ARHGEF28: variants seen among roughly 807,000 people sequenced by gnomAD.
The protein encoded by ARHGEF28 is Rho guanine nucleotide exchange factor 28.
A neutral mutation model predicts 206.6 loss-of-function variants in ARHGEF28; 152 were observed. The observed-to-expected ratio is 0.74, with a 90% CI of 0.64 to 0.84. ARHGEF28 has a LOEUF of 0.84. Ranked by LOEUF, ARHGEF28 falls within the 40% of genes least tolerant of loss-of-function variation. The pLI is 0.00. For missense variants in ARHGEF28, 2,028 were observed against 2,073.2 expected (o/e 0.98, Z 0.42); for synonymous variants, 763 against 776.4 (o/e 0.98, Z 0.29).
At chr5:73,694,567 C>T (rs913015482) in intron 2 of ARHGEF28, among the ~76,000 whole-genome samples, 4 of 152,144 alleles carry the variant, frequency 2.6e-5, no homozygotes, top group East Asian at 3.9e-4. Flanking sequence ...AAAGAAATAA[C>T]GTGATCCAGG....
At chr5:73,878,585 G>A (rs1760691384) in intron 22 of ARHGEF28, among the ~76,000 whole-genome samples, 1 of 150,330 alleles carries the variant, frequency 6.7e-6, no homozygotes, top group Non-Finnish European at 1.5e-5. Flanking sequence ...TCCATGTTTA[G>A]TGCTTCCTTC....
chr5:73,884,233 C>G (rs1333551810), intron 24 of ARHGEF28, among the ~76,000 whole-genome samples: 1 of 152,128 alleles, frequency 6.6e-6, no homozygotes, highest in East Asian at 1.9e-4. Flanking sequence ...TGCTATTGAT[C>G]CTATCACAAA....
intron 2 of ARHGEF28, among the ~76,000 whole-genome samples, chr5:73,697,128 A>G (rs910970408): frequency 2.0e-5 from 3 of 152,230 alleles, no homozygotes; most frequent in African/African-American, 7.2e-5. Context: ...GAGGTAGACA[A>G]TTCCTGGCTG....
chr5:73,809,868 T>A (rs1386262905), intron 9 of ARHGEF28, among the ~76,000 whole-genome samples: 3 of 152,220 alleles, frequency 2.0e-5, no homozygotes, highest in Non-Finnish European at 4.4e-5. Flanking sequence ...GTATGATATA[T>A]GGTGAAAGGG....
At chr5:73,674,383 G>C (rs2112224243) in intron 1 of ARHGEF28, among the ~76,000 whole-genome samples, 1 of 152,292 alleles carries the variant, frequency 6.6e-6, no homozygotes, top group Non-Finnish European at 1.5e-5. Flanking sequence ...CATCTGCTAA[G>C]CCACTTCTAG....
At chr5:73,780,811 C>T (rs577663747) in intron 7 of ARHGEF28, 66 bp downstream of exon 7, 14 of 1,512,024 alleles carry the variant, frequency 9.3e-6, no homozygotes, top group Admixed American at 5.9e-5. Context: ...CTAACCAGTC[C>T]GTTGAAGTGT....
At chr5:73,830,351 A>T (rs894532783) in intron 9 of ARHGEF28, among the ~76,000 whole-genome samples, 2 of 152,002 alleles carry the variant, frequency 1.3e-5, no homozygotes, top group African/African-American at 4.8e-5. Context: ...CAGAAGGTCG[A>T]GACCATCCTG....
chr5:73,813,786 C>G (rs1395372086), intron 9 of ARHGEF28: 1 of 1,174,174 alleles, frequency 8.5e-7, no homozygotes, highest in Non-Finnish European at 1.2e-6. Flanking sequence ...TTTATACGTG[C>G]CTTTATAAAA....
At chr5:73,927,419 A>C (rs1050632020) in intron 35 of ARHGEF28, among the ~76,000 whole-genome samples, 11 of 152,194 alleles carry the variant, frequency 7.2e-5, no homozygotes, top group Admixed American at 2.0e-4. Context: ...AGATGTTGTC[A>C]GGAAGCACAG....
At chr5:73,906,864 C>T (rs1236635056) in intron 33 of ARHGEF28, among the ~76,000 whole-genome samples, 1 of 151,764 alleles carries the variant, frequency 6.6e-6, no homozygotes, top group Non-Finnish European at 1.5e-5. Flanking sequence ...TATATTGTAA[C>T]TGGTAAACTC....
At chr5:73,897,785 C>T (rs915344923) in intron 29 of ARHGEF28, among the ~76,000 whole-genome samples, 177 bp from the exon 30 acceptor site, 5 of 152,236 alleles carry the variant, frequency 3.3e-5, no homozygotes, top group African/African-American at 4.8e-5. Flanking sequence ...GTGGTGTGCG[C>T]GCGTGCGTAG....
At position 73,867,928 on chromosome 5, in the gene ARHGEF28, C is replaced by T. The variant is rs761966475; in HGVS notation, c.2205C>T (p.Ser735=). ...CTGGTCTCTCCTTGCACCCTTCTTC[C>T]TCCGTGCCTGTTGGATTGCCGACTG... ...PQPGLSLHPS[S]SVPVGLPTGR... is the part of the protein sequence containing the mutation. The change falls in exon 19 of 36, where the codon TCC becomes TCT. Residue 735 remains serine, a synonymous_variant. Coordinates refer to ENST00000513042, the MANE Select transcript of ARHGEF28 (RefSeq NM_001177693.2). 11 of 1,614,042 alleles carry T rather than the reference C, an allele frequency of 6.8e-6. No homozygotes were observed. Among genetic ancestry groups the T allele is most frequent in the Non-Finnish European group, 1.7e-6 (2 of 1,179,884 alleles).
intron 2 of ARHGEF28, among the ~76,000 whole-genome samples, chr5:73,727,424 C>T (rs1348962102): frequency 6.6e-6 from 1 of 152,108 alleles, no homozygotes; most frequent in Non-Finnish European, 1.5e-5. Flanking sequence ...ATCATGGAAT[C>T]TTATGTGTAG....
intron 2 of ARHGEF28, among the ~76,000 whole-genome samples, chr5:73,727,475 C>T (rs547775797): frequency 6.6e-6 from 1 of 152,236 alleles, no homozygotes; most frequent in South Asian, 2.1e-4. Context: ...CATCTACTCT[C>T]CTTAAGCTCT....
chr5:73,773,253 T>G (rs546075571), intron 4 of ARHGEF28, among the ~76,000 whole-genome samples: 31 of 152,142 alleles, frequency 2.0e-4, no homozygotes, highest in Non-Finnish European at 3.4e-4. Context: ...GCCTTACAGG[T>G]CGAGCCTCCT....
intron 9 of ARHGEF28, among the ~76,000 whole-genome samples, chr5:73,808,157 A>G (rs1322907633): frequency 2.6e-5 from 4 of 152,198 alleles, no homozygotes; most frequent in Admixed American, 2.6e-4. Context: ...ATGTGATTCC[A>G]ATTTTTGACA....
intron 1 of ARHGEF28, among the ~76,000 whole-genome samples, chr5:73,662,619 G>C (rs374348980): frequency 6.6e-6 from 1 of 152,134 alleles, no homozygotes; most frequent in Non-Finnish European, 1.5e-5. Flanking sequence ...TGAAATATTA[G>C]AATACAACTA....
chr5:73,718,052 T>C (rs1749698319), intron 2 of ARHGEF28, among the ~76,000 whole-genome samples: 1 of 152,064 alleles, frequency 6.6e-6, no homozygotes, highest in African/African-American at 2.4e-5. Flanking sequence ...CTAATTCTGA[T>C]TTTTAGTAGA....
At chr5:73,861,407 AAG>A (rs1278630310) in intron 16 of ARHGEF28, among the ~76,000 whole-genome samples, 1 of 152,212 alleles carries the variant, frequency 6.6e-6, no homozygotes, top group African/African-American at 2.4e-5. Context: ...CTTAGAGAAA[AAG>A]ACTATTAATA....
Sources: allele counts gnomAD v4.1 joint callset (sites outside exome capture counted in the v4.1 genomes callset), GRCh38; gene constraint gnomAD v4.1.1; transcripts MANE v1.5; gene names NCBI Gene and HGNC (gene_info 2026-07-23, HGNC 2026-07-21).